ANO10: variants seen among roughly 807,000 people sequenced by gnomAD.
ANO10 encodes the protein anoctamin-10.
A neutral mutation model predicts 74.7 loss-of-function variants in ANO10; 77 were observed. The ratio of observed to expected loss-of-function variants is 1.03; its 90% CI spans 0.86 to 1.25. The LOEUF is 1.25. Ranked by LOEUF, ANO10 falls within the 50% of genes most tolerant of loss-of-function variation. The probability of loss-of-function intolerance (pLI) is 0.00; values close to 1 mark genes in which losing one functional copy is unlikely to be tolerated. For synonymous variants in ANO10, 279 were observed against 284.9 expected (o/e 0.98, Z 0.21); for missense variants, 721 against 778.1 (o/e 0.93, Z 0.87).
At chr3:43,566,355 GCCTC>G (rs1241286462) in intron 7 of ANO10, among the ~76,000 whole-genome samples, 1 of 152,264 alleles carries the variant, frequency 6.6e-6, no homozygotes, top group Non-Finnish European at 1.5e-5. Flanking sequence ...AGGCCTGCCT[GCCTC>G]TGTAGGCTCC....
intron 11 of ANO10, among the ~76,000 whole-genome samples, chr3:43,513,467 G>T (rs775347985): frequency 3.9e-5 from 6 of 152,016 alleles, no homozygotes; most frequent in African/African-American, 7.2e-5. Context: ...CATCAAAAAA[G>T]GAAAAATATG....
At chr3:43,591,738 G>A (rs867209379) in intron 4 of ANO10, among the ~76,000 whole-genome samples, 2 of 152,320 alleles carry the variant, frequency 1.3e-5, no homozygotes, top group Middle Eastern at 3.4e-3. Flanking sequence ...ACTGGGGCTC[G>A]TTGGACGGTG....
chr3:43,432,197 T>G (rs1469148708), intron 12 of ANO10, among the ~76,000 whole-genome samples: 1 of 151,696 alleles, frequency 6.6e-6, no homozygotes, highest in Non-Finnish European at 1.5e-5. Flanking sequence ...GCAATTTTGC[T>G]GCTTCTACAC....
At chr3:43,543,731 C>G (rs528981392) in intron 11 of ANO10, among the ~76,000 whole-genome samples, 1 of 152,226 alleles carries the variant, frequency 6.6e-6, no homozygotes, top group Admixed American at 6.5e-5. Context: ...AGAGGGGGTG[C>G]CACATGAAAA....
At chr3:43,610,594 CTGTTA>C (rs1189606829) in intron 1 of ANO10, among the ~76,000 whole-genome samples, 1 of 152,176 alleles carries the variant, frequency 6.6e-6, no homozygotes, top group Non-Finnish European at 1.5e-5. Flanking sequence ...TTTCTCAGCT[CTGTTA>C]TAATTTTATG....
At chr3:43,507,241 A>C (rs1169012228) in intron 11 of ANO10, among the ~76,000 whole-genome samples, 1 of 152,220 alleles carries the variant, frequency 6.6e-6, no homozygotes, top group East Asian at 1.9e-4. Context: ...GTCAGATACC[A>C]CAAACAGAGG....
intron 11 of ANO10, among the ~76,000 whole-genome samples, chr3:43,445,645 A>C (rs1196032771): frequency 6.6e-6 from 1 of 152,128 alleles, no homozygotes; most frequent in Non-Finnish European, 1.5e-5. Context: ...CAAATCTATG[A>C]CCATGTTTCC....
intron 4 of ANO10, among the ~76,000 whole-genome samples, chr3:43,588,671 T>A (rs2888332): frequency 0.019 from 2,902 of 151,376 alleles, 254 homozygotes; most frequent in Admixed American, 0.15. Flanking sequence ...AGTAAAAGGC[T>A]GGGCAAAAAC....
intron 11 of ANO10, among the ~76,000 whole-genome samples, chr3:43,491,341 C>T (rs536810263): frequency 3.8e-4 from 58 of 152,194 alleles, no homozygotes; most frequent in African/African-American, 1.4e-3. Flanking sequence ...TGGCGAAACC[C>T]CATCTCTACT....
intron 9 of ANO10, among the ~76,000 whole-genome samples, chr3:43,558,080 T>C (rs2079847351): frequency 6.8e-6 from 1 of 146,956 alleles, no homozygotes; most frequent in Non-Finnish European, 1.5e-5. Flanking sequence ...CCCTCCAACC[T>C]GTGTGACAAA....
rs372991979 is a variant in ANO10 at position 43,594,292 on chromosome 3, A to T, written c.472+4240T>A. ...GACATCTACAGAACTCTCCACCCCAAATCAACAGAATATACATTCTTCTCA... is the reference window on the plus strand; with the variant it reads ...GACATCTACAGAACTCTCCACCCCATATCAACAGAATATACATTCTTCTCA... On this transcript the variant is annotated intron_variant, in intron 4 of 12. Transcript: ENST00000292246. Among the ~76,000 whole-genome samples the T allele has an allele frequency of 1.4e-4, 22 of 152,324 alleles. No homozygotes were observed. The East Asian group carries it at 2.7e-3, about 19-fold the overall frequency.
At chr3:43,565,599 G>GA in intron 8 of ANO10, 54 bp downstream of exon 8, 2 of 1,375,132 alleles carry the variant, frequency 1.5e-6, no homozygotes, top group Non-Finnish European at 2.0e-6. Flanking sequence ...TCTAAAGATA[G>GA]AAAACCACCT....
intron 4 of ANO10, among the ~76,000 whole-genome samples, chr3:43,585,930 CAAG>C (rs1241748410): frequency 1.3e-5 from 2 of 152,102 alleles, no homozygotes; most frequent in Non-Finnish European, 2.9e-5. Flanking sequence ...CAAAAGGAAA[CAAG>C]AAACATAAAA....
chr3:43,647,067 C>A (rs1241594722), intron 1 of ANO10, among the ~76,000 whole-genome samples: 1 of 151,228 alleles, frequency 6.6e-6, no homozygotes, highest in African/African-American at 2.4e-5. Flanking sequence ...GAGTATGATT[C>A]CTTTGATTTA....
intron 11 of ANO10, among the ~76,000 whole-genome samples, chr3:43,487,519 T>C (rs1333778254): frequency 1.3e-5 from 2 of 152,090 alleles, no homozygotes; most frequent in Non-Finnish European, 2.9e-5. Context: ...AACTTCTTCC[T>C]GGTTTAGTCT....
At chr3:43,464,040 C>T (rs968911218) in intron 11 of ANO10, among the ~76,000 whole-genome samples, 2 of 152,176 alleles carry the variant, frequency 1.3e-5, no homozygotes, top group Non-Finnish European at 2.9e-5. Flanking sequence ...ACATGACTTG[C>T]TCTTCCTCGC....
rs56186109 is a variant in ANO10, at chr3:43,578,749, C to CAAAAAAA, written c.593-1495_593-1489dup. On this transcript the variant is annotated intron_variant, in intron 5 of 12. Coordinates refer to ENST00000292246, the MANE Select transcript of ANO10 (RefSeq NM_018075.5). Reference sequence around the variant, plus strand: ...TGGGCCACAGAGCAAGACTCCATCTCAAAAAAAAAAAAAAAAAAAAAAAAA... The same window carrying CAAAAAAA: ...TGGGCCACAGAGCAAGACTCCATCTCAAAAAAAAAAAAAAAAAAAAAAAAAAAAAAAA... Among the ~76,000 whole-genome samples, 131 of 64,420 alleles carry CAAAAAAA rather than the reference C, an allele frequency of 2.0e-3. 16 individuals are homozygous for CAAAAAAA. The highest frequency in any genetic ancestry group is 9.8e-3 in the East Asian group (11 of 1,122). The allele number at this position is 64,420 out of a possible 152,430, so 42.3% of individuals were successfully genotyped here.
chr3:43,404,738 G>C (rs2092544198), intron 12 of ANO10, among the ~76,000 whole-genome samples: 1 of 151,740 alleles, frequency 6.6e-6, no homozygotes, highest in Admixed American at 6.6e-5. Context: ...AAAAAAATTA[G>C]CTGGGCATGG....
chr3:43,411,297 T>A (rs1198593234), intron 12 of ANO10, among the ~76,000 whole-genome samples: 1 of 152,180 alleles, frequency 6.6e-6, no homozygotes, highest in African/African-American at 2.4e-5. Flanking sequence ...CTTAATATCA[T>A]CTTTATGGTC....
Sources: gnomAD v4.1 joint callset for allele counts (sites outside exome capture counted in the v4.1 genomes callset) on GRCh38, gnomAD v4.1.1 for gene constraint, MANE v1.5 for transcripts, NCBI Gene and HGNC (gene_info 2026-07-23, HGNC 2026-07-21) for gene names.